Variants in CYP4X1 observed in about 807,000 individuals in gnomAD.
CYP4X1 encodes the protein cytochrome P450 family 4 subfamily X member 1, also known as cytochrome P450 4X1.
CYP4X1 carries 44 observed loss-of-function variants against 57.9 expected under a neutral mutation model. That is an observed-to-expected ratio of 0.76 (90% CI 0.60 to 0.98). The LOEUF (loss-of-function observed/expected upper bound fraction) is 0.98, where lower values mean the gene tolerates loss of function less well. CYP4X1 is among the 50% of genes least tolerant of loss of function. The pLI, the probability that CYP4X1 is intolerant of heterozygous loss-of-function variation, is 0.00. For missense variants in CYP4X1, 532 were observed against 623.9 expected, an observed-to-expected ratio of 0.85 and a Z score of 1.57; for synonymous variants, 227 against 228.6, an observed-to-expected ratio of 0.99 and a Z score of 0.06.
chr1:47,053,164 G>A (rs1005128588), downstream of CYP4X1, among the ~76,000 whole-genome samples: 6 of 151,996 alleles, frequency 3.9e-5, no homozygotes, highest in East Asian at 1.9e-4. Flanking sequence ...GAGAACATGC[G>A]GTGTTTGGTT....
chr1:46,999,610 T>G, the CYP4X1 span, among the ~76,000 whole-genome samples: 1 of 152,308 alleles, frequency 6.6e-6, no homozygotes, highest in East Asian at 1.9e-4. Context: ...TTCTAGTTGC[T>G]TTGGGTTTGT....
chr1:47,003,552 G>C, the CYP4X1 span, among the ~76,000 whole-genome samples: 1 of 152,072 alleles, frequency 6.6e-6, no homozygotes, highest in Non-Finnish European at 1.5e-5. Context: ...CATGATGCCG[G>C]CAACTGCTCA....
the CYP4X1 span, among the ~76,000 whole-genome samples, chr1:47,016,822 A>G: frequency 1.3e-5 from 2 of 152,202 alleles, no homozygotes; most frequent in Non-Finnish European, 2.9e-5. Flanking sequence ...ATGCTATTAA[A>G]TACTAGGTCT....
the CYP4X1 span, among the ~76,000 whole-genome samples, chr1:47,014,423 C>T: frequency 6.6e-6 from 1 of 152,126 alleles, no homozygotes; most frequent in South Asian, 2.1e-4. Context: ...CTTTCACTCT[C>T]AAATCCCTGA....
the CYP4X1 span, among the ~76,000 whole-genome samples, chr1:47,004,453 T>A: frequency 1.3e-5 from 2 of 152,284 alleles, no homozygotes; most frequent in Admixed American, 1.3e-4. Flanking sequence ...TCTCTTTTCC[T>A]TTCCAACTCA....
the CYP4X1 span, among the ~76,000 whole-genome samples, chr1:46,997,201 T>C: frequency 6.6e-6 from 1 of 152,256 alleles, no homozygotes; most frequent in African/African-American, 2.4e-5. Flanking sequence ...TTCATCTTTT[T>C]CCTGTGGAGT....
At chr1:47,049,110 A>G (rs1347775941) in intron 10 of CYP4X1, among the ~76,000 whole-genome samples, 1 of 152,220 alleles carries the variant, frequency 6.6e-6, no homozygotes, top group African/African-American at 2.4e-5. Context: ...AGCACATGAC[A>G]TGTGGCCAGT....
In CYP4X1 at chr1:47,036,602, T is replaced by C. The variant is rs560911373; in HGVS notation, c.775+431T>C. Among the ~76,000 whole-genome samples the C allele has an allele frequency of 2.4e-4, 37 of 152,122 alleles. 1 individual carries two copies. Among genetic ancestry groups the C allele is most frequent in the African/African-American group, 8.4e-4 (35 of 41,508 alleles). On this transcript the variant is annotated intron_variant, in intron 6 of 11. Coordinates refer to ENST00000371901, the MANE Select transcript of CYP4X1 (RefSeq NM_178033.2). ...GATTCAAAAACAGTTTTAGCAAGCA[T>C]AAACACAAAAGTTGAAATAGATTAA...
the CYP4X1 span, among the ~76,000 whole-genome samples, chr1:47,005,956 T>C: frequency 6.6e-6 from 1 of 152,318 alleles, no homozygotes. Flanking sequence ...GTATTTAACT[T>C]TGAGACATGT....
At chr1:47,031,370 C>T in intron 2 of CYP4X1, 66 bp from the exon 3 acceptor site, 1 of 1,577,010 alleles carries the variant, frequency 6.3e-7, no homozygotes, top group Non-Finnish European at 8.7e-7. Flanking sequence ...AAACCGTCAC[C>T]AACTTGAACT....
the CYP4X1 span, among the ~76,000 whole-genome samples, chr1:47,004,230 G>A: frequency 0.035 from 5,367 of 152,250 alleles, 329 homozygotes; most frequent in African/African-American, 0.12. Context: ...CTTGTGGAGC[G>A]TACTTTCATT....
the CYP4X1 span, among the ~76,000 whole-genome samples, chr1:46,974,129 A>G: frequency 1.1e-4 from 16 of 152,058 alleles, no homozygotes; most frequent in Non-Finnish European, 2.1e-4. Flanking sequence ...TTTTGTTTTC[A>G]TTAGCTTCAA....
chr1:47,038,166 C>T (rs1243152770), intron 6 of CYP4X1, among the ~76,000 whole-genome samples: 2 of 152,096 alleles, frequency 1.3e-5, no homozygotes, highest in African/African-American at 4.8e-5. Flanking sequence ...TCTCATATTA[C>T]CCATGTAACA....
At chr1:47,016,391 C>G in the CYP4X1 span, among the ~76,000 whole-genome samples, 26 of 150,404 alleles carry the variant, frequency 1.7e-4, 1 homozygote, top group African/African-American at 4.7e-4. Context: ...GCCCAGGCTG[C>G]AGTGCAGTGG....
At chr1:47,044,417 C>A (rs577901472) in intron 8 of CYP4X1, among the ~76,000 whole-genome samples, 4 of 152,244 alleles carry the variant, frequency 2.6e-5, no homozygotes, top group Non-Finnish European at 5.9e-5. Context: ...CATAATTTAC[C>A]TAGTTTTGGA....
At chr1:47,045,628 C>T (rs1001531248) in intron 8 of CYP4X1, among the ~76,000 whole-genome samples, 3 of 152,194 alleles carry the variant, frequency 2.0e-5, no homozygotes, top group African/African-American at 7.2e-5. Flanking sequence ...TACCCAGTAG[C>T]TGCTGTTTCT....
At chr1:46,989,453 A>G in the CYP4X1 span, among the ~76,000 whole-genome samples, 1 of 152,360 alleles carries the variant, frequency 6.6e-6, no homozygotes, top group African/African-American at 2.4e-5. Context: ...AAGAATCAAT[A>G]TCATGAAAAT....
the CYP4X1 span, among the ~76,000 whole-genome samples, chr1:46,963,469 C>T: frequency 6.6e-6 from 1 of 151,628 alleles, no homozygotes; most frequent in African/African-American, 2.4e-5. Context: ...AATCTCTCAG[C>T]ATTTGCTTGT....
upstream of CYP4X1, among the ~76,000 whole-genome samples, chr1:47,021,830 G>A (rs1569596559): frequency 6.6e-6 from 1 of 152,178 alleles, no homozygotes; most frequent in East Asian, 1.9e-4. Flanking sequence ...GGGGTTCCCA[G>A]GCTCTGACCC....
Sources: allele counts gnomAD v4.1 joint callset (sites outside exome capture counted in the v4.1 genomes callset), GRCh38; gene constraint gnomAD v4.1.1; transcripts MANE v1.5; gene names NCBI Gene and HGNC (gene_info 2026-07-23, HGNC 2026-07-21).